KDM2A: variants seen among roughly 807,000 people sequenced by gnomAD.
KDM2A encodes the protein lysine demethylase 2A, also known as lysine-specific demethylase 2A.
A neutral mutation model predicts 137.3 loss-of-function variants in KDM2A; 3 were observed. The observed-to-expected ratio is 0.02, with a 90% CI of 0.01 to 0.06. The LOEUF (loss-of-function observed/expected upper bound fraction) is 0.06. Among genes scored for constraint, KDM2A ranks in the 10% least tolerant of loss-of-function variants. The pLI is 1.00. For synonymous variants in KDM2A, 512 were observed against 541.5 expected (o/e 0.95, Z 0.76); for missense variants, 738 against 1,510.6 (o/e 0.49, Z 8.48).
intron 13 of KDM2A, among the ~76,000 whole-genome samples, chr11:67,244,513 TCAGG>T (rs1466903915): frequency 6.6e-6 from 1 of 151,160 alleles, no homozygotes; most frequent in Non-Finnish European, 1.5e-5. Context: ...TACAGAAAGC[TCAGG>T]GAGGGGTGAA....
intron 2 of KDM2A, among the ~76,000 whole-genome samples, chr11:67,177,692 C>T (rs991809327): frequency 1.4e-4 from 21 of 151,158 alleles, no homozygotes; most frequent in Admixed American, 1.3e-3. Flanking sequence ...GGCTGTTTTA[C>T]AGTTAATATT....
intron 5 of KDM2A, among the ~76,000 whole-genome samples, chr11:67,185,739 A>G (rs572280165): frequency 6.6e-6 from 1 of 152,120 alleles, no homozygotes; most frequent in Admixed American, 6.6e-5. Flanking sequence ...ATTAGGCTAC[A>G]GGGACTCCAC....
At chr11:67,153,971 A>G (rs1856458938) in intron 2 of KDM2A, among the ~76,000 whole-genome samples, 1 of 152,174 alleles carries the variant, frequency 6.6e-6, no homozygotes, top group African/African-American at 2.4e-5. Flanking sequence ...TTATTCCTAA[A>G]TGTTTTAGCT....
At chr11:67,202,349 G>T (rs942377198) in intron 5 of KDM2A, among the ~76,000 whole-genome samples, 2 of 152,128 alleles carry the variant, frequency 1.3e-5, no homozygotes, top group Non-Finnish European at 2.9e-5. Flanking sequence ...GGGTTTGAGA[G>T]GATTGACTCC....
At chr11:67,226,738 TC>T (rs1363107570) in intron 10 of KDM2A, among the ~76,000 whole-genome samples, 2 of 151,890 alleles carry the variant, frequency 1.3e-5, no homozygotes, top group Non-Finnish European at 2.9e-5. Context: ...CAAACGAAAA[TC>T]AATCAGATTT....
intron 5 of KDM2A, among the ~76,000 whole-genome samples, chr11:67,185,799 C>T (rs187162763): frequency 5.9e-5 from 9 of 152,114 alleles, no homozygotes; most frequent in South Asian, 2.1e-4. Context: ...TCGGCCCCTT[C>T]GTGCTTTCTC....
intron 5 of KDM2A, among the ~76,000 whole-genome samples, chr11:67,186,378 A>G (rs1857207861): frequency 6.6e-6 from 1 of 152,144 alleles, no homozygotes; most frequent in African/African-American, 2.4e-5. Flanking sequence ...AAACAAAACA[A>G]AACTGTCAAC....
At chr11:67,153,210 C>T (rs909659963) in intron 2 of KDM2A, among the ~76,000 whole-genome samples, 2 of 152,092 alleles carry the variant, frequency 1.3e-5, no homozygotes, top group African/African-American at 4.8e-5. Context: ...GTCTCGAATT[C>T]CTGACATTGG....
At chr11:67,158,102 C>T (rs901684407) in intron 2 of KDM2A, among the ~76,000 whole-genome samples, 5 of 150,704 alleles carry the variant, frequency 3.3e-5, no homozygotes, top group Admixed American at 7.2e-5. Context: ...ACTTATTCAT[C>T]CCCTTTCCTC....
chr11:67,120,286 T>C (rs1186869773), intron 1 of KDM2A, among the ~76,000 whole-genome samples: 1 of 152,184 alleles, frequency 6.6e-6, no homozygotes, highest in African/African-American at 2.4e-5. Context: ...CAGGGCTTCC[T>C]CCGGGAGGGC....
chr11:67,157,156 AC>A (rs1856533965), intron 2 of KDM2A, among the ~76,000 whole-genome samples: 1 of 151,562 alleles, frequency 6.6e-6, no homozygotes, highest in Admixed American at 6.6e-5. Flanking sequence ...TACTAAAAAT[AC>A]AAAAAATTAG....
chr11:67,242,918 G>C (rs1859092558), intron 12 of KDM2A, 91 bp from the exon 13 acceptor site: 1 of 914,546 alleles, frequency 1.1e-6, no homozygotes, highest in South Asian at 1.4e-5. Flanking sequence ...GCTACTCAAG[G>C]GTACTGAGGC....
chr11:67,156,086 C>A (rs1856508506), intron 2 of KDM2A, among the ~76,000 whole-genome samples: 1 of 146,974 alleles, frequency 6.8e-6, no homozygotes, highest in Non-Finnish European at 1.5e-5. Flanking sequence ...CCCGTCTCTA[C>A]TAAAAATACA....
chr11:67,213,818 A>G (rs1858070381), intron 6 of KDM2A, among the ~76,000 whole-genome samples: 1 of 151,468 alleles, frequency 6.6e-6, no homozygotes, highest in African/African-American at 2.4e-5. Context: ...AAGTGTTTAC[A>G]TTTAATCCTT....
chr11:67,206,425 T>C (rs1256702493), intron 5 of KDM2A, among the ~76,000 whole-genome samples: 2 of 151,880 alleles, frequency 1.3e-5, no homozygotes, highest in Non-Finnish European at 2.9e-5. Flanking sequence ...ACAGCGAGAC[T>C]GTCTCAAAAT....
chr11:67,144,061 A>AG (rs1565376077), intron 2 of KDM2A, among the ~76,000 whole-genome samples: 1 of 141,238 alleles, frequency 7.1e-6, no homozygotes, highest in Non-Finnish European at 1.5e-5. Flanking sequence ...CCTGCCTCAA[A>AG]CCTCCTGAGT....
chr11:67,248,204 C>T, intron 15 of KDM2A, 77 bp from the exon 16 acceptor site: 3 of 1,075,404 alleles, frequency 2.8e-6, no homozygotes, highest in Non-Finnish European at 4.2e-6. Flanking sequence ...AAATGAGTAA[C>T]TCTTCCCAAC....
Position 67,231,772 on chromosome 11 carries a change from C to A in KDM2A, c.1291C>A (p.Arg431=), listed in dbSNP as rs371288013. The A allele has an allele frequency of 3.2e-5, 52 of 1,613,988 alleles. No individual in the cohort carries two copies. The African/African-American group carries it at 5.6e-4, about 17-fold the overall frequency. Reference sequence around the variant, plus strand: ...TGGGGACTCATCTTCTGACTGTAGCCGGGGCTCCCACAATGGACAAGTGTG... The same window carrying A: ...TGGGGACTCATCTTCTGACTGTAGCAGGGGCTCCCACAATGGACAAGTGTG... ...LAGDSSSDCS[R]GSHNGQVWDP... is the part of the protein sequence containing the mutation. The change falls in exon 12 of 21, where the codon CGG becomes AGG. Residue 431 remains arginine (R), a synonymous_variant. Transcript: ENST00000529006.
intron 2 of KDM2A, among the ~76,000 whole-genome samples, chr11:67,146,909 A>G (rs1423411147): frequency 2.0e-5 from 3 of 152,142 alleles, no homozygotes; most frequent in Non-Finnish European, 4.4e-5. Context: ...AGGTTTCATA[A>G]AAGTTTATCA....
Sources: gnomAD v4.1 joint callset for allele counts (sites outside exome capture counted in the v4.1 genomes callset) on GRCh38, gnomAD v4.1.1 for gene constraint, MANE v1.5 for transcripts, NCBI Gene and HGNC (gene_info 2026-07-23, HGNC 2026-07-21) for gene names.